Variants in HDAC4 observed in about 807,000 individuals in gnomAD.
The protein encoded by HDAC4 is histone deacetylase A.
Under a neutral mutation model 135.1 loss-of-function variants are expected in HDAC4, and 16 were observed. That is an observed-to-expected ratio of 0.12 (90% CI 0.08 to 0.18). The LOEUF (loss-of-function observed/expected upper bound fraction) is 0.18, where lower values mean the gene tolerates loss of function less well. Ranked by LOEUF, HDAC4 falls within the 10% of genes least tolerant of loss-of-function variation. HDAC4 has a pLI of 1.00. For missense variants in HDAC4, 1,143 were observed against 1,511.8 expected (o/e 0.76, Z 4.05); for synonymous variants, 685 against 653.4 (o/e 1.05, Z -0.74).
rs137886732 is a variant in HDAC4 at position 239,353,916 on chromosome 2, A to C, written c.-219-998T>G. Among the ~76,000 whole-genome samples the C allele has an allele frequency of 2.0e-3, 303 of 152,366 alleles. 1 individual carries two copies. The highest frequency in any genetic ancestry group is 7.0e-3 in the African/African-American group (290 of 41,590). ...CTGTGTAATCACAGAATTTAATTCT[A>C]AAGTCCGCATTCCTCACGTAACATG... On this transcript the variant is annotated intron_variant, in intron 1 of 26. Transcript: ENST00000543185.
intron 5 of HDAC4, among the ~76,000 whole-genome samples, chr2:239,171,169 C>CAAAAA (rs34204026): frequency 1.6e-4 from 18 of 114,350 alleles, no homozygotes; most frequent in African/African-American, 6.0e-4. Flanking sequence ...ACAATCTGAC[C>CAAAAA]AAAAAAAAAA....
At chr2:239,376,223 G>A (rs900311666) in intron 1 of HDAC4, among the ~76,000 whole-genome samples, 1 of 150,698 alleles carries the variant, frequency 6.6e-6, no homozygotes, top group African/African-American at 2.4e-5. Context: ...GGTGCTGTGT[G>A]CTCACAACCC....
At chr2:239,099,371 G>A (rs1354618615) in intron 16 of HDAC4, among the ~76,000 whole-genome samples, 1 of 152,244 alleles carries the variant, frequency 6.6e-6, no homozygotes, top group East Asian at 1.9e-4. Context: ...GATGCTTTGA[G>A]GCTGCTCAGC....
At chr2:239,346,261 C>A (rs1462308962) in intron 2 of HDAC4, among the ~76,000 whole-genome samples, 1 of 148,550 alleles carries the variant, frequency 6.7e-6, no homozygotes, top group Non-Finnish European at 1.5e-5. Flanking sequence ...AATACACAGA[C>A]ACCCACACCC....
At position 239,190,054 on chromosome 2, in the gene HDAC4, G is replaced by C. The variant is rs1487731674; in HGVS notation, c.118C>G (p.Leu40Val). 1.2e-6 allele frequency: 2 copies of C among 1,602,122 alleles called. No homozygotes were observed. The highest frequency in any genetic ancestry group is 2.2e-5 in the South Asian group (2 of 91,018). The change falls in exon 4 of 27, where the codon CTG becomes GTG. Residue 40 changes from leucine to valine, a missense_variant. By Grantham distance (32) the Leu-to-Val change is conservative. Coordinates refer to ENST00000543185, the MANE Select transcript of HDAC4 (RefSeq NM_001378414.1). ...STVDVATALP[L>V]QVAPSAVPMD... ...GGCACTGCCGAGGGGGCCACTTGCA[G>C]AGGCAGCGCCGTGGCCACATCCACT...
intron 3 of HDAC4, 132 bp downstream of exon 3, chr2:239,236,461 A>G: frequency 1.4e-6 from 1 of 712,478 alleles, no homozygotes; most frequent in Non-Finnish European, 2.5e-6. Context: ...AAGAGCACCC[A>G]AATTCAGTGA....
chr2:239,263,515 T>C (rs2049513889), intron 2 of HDAC4, among the ~76,000 whole-genome samples: 1 of 152,176 alleles, frequency 6.6e-6, no homozygotes. Context: ...GGGCAGCTCT[T>C]GGCACTGATG....
In HDAC4 at chr2:239,260,743, C is replaced by A. The variant is rs73100727; in HGVS notation, c.23-24079G>T. Among the ~76,000 whole-genome samples the A allele has an allele frequency of 8.9e-3, 1,348 of 152,312 alleles. 22 individuals carry two copies. The highest frequency in any genetic ancestry group is 0.03 in the African/African-American group (1,236 of 41,566). On this transcript the variant is annotated intron_variant, in intron 2 of 26. Coordinates refer to ENST00000543185, the MANE Select transcript of HDAC4 (RefSeq NM_001378414.1). ...GCTGCAGTGTTCTCATGCCTGGCCT[C>A]CCCCTGGGCACGCCTTCCACCTGGG... is the stretch of plus-strand genomic sequence containing the variant.
intron 11 of HDAC4, among the ~76,000 whole-genome samples, chr2:239,132,786 A>G (rs899282496): frequency 6.6e-6 from 1 of 152,378 alleles, no homozygotes; most frequent in South Asian, 2.1e-4. Flanking sequence ...GAAAGAAGAT[A>G]AGTGACAAAC....
rs1352020960 is a variant in HDAC4 at position 239,139,126 on chromosome 2, A to C, written c.978+558T>G. ...TGCCTGGTTCCCGTGATGCCTGGAA[A>C]AGTTCCCCGCTCTGTGGCTTTGGCC... On this transcript the variant is annotated intron_variant, in intron 9 of 26. Transcript: ENST00000543185. This position sits in a 1 kb window ranked among gnomAD's most constrained non-coding sequence, Gnocchi z 5.3. Among the ~76,000 whole-genome samples the C allele has an allele frequency of 6.6e-6, 1 of 152,176 alleles. No homozygotes were observed. Among genetic ancestry groups the C allele is most frequent in the Non-Finnish European group, 1.5e-5 (1 of 68,030 alleles).
At chr2:239,127,350 A>G (rs1315964720) in intron 11 of HDAC4, among the ~76,000 whole-genome samples, 1 of 152,228 alleles carries the variant, frequency 6.6e-6, no homozygotes, top group African/African-American at 2.4e-5. Flanking sequence ...TTTTGATTAA[A>G]AGAATCCATT....
At chr2:239,319,614 G>C (rs577928127) in intron 2 of HDAC4, among the ~76,000 whole-genome samples, 1 of 152,200 alleles carries the variant, frequency 6.6e-6, no homozygotes, top group Non-Finnish European at 1.5e-5. Context: ...CCAAGTTTGC[G>C]TGTGTCAGAA....
At chr2:239,070,924 GTT>G (rs2034125312) in intron 22 of HDAC4, among the ~76,000 whole-genome samples, 1 of 65,080 alleles carries the variant, frequency 1.5e-5, no homozygotes, top group African/African-American at 6.9e-5. Flanking sequence ...TGCAGTCTCT[GTT>G]GTTTTTTTTT....
chr2:239,298,722 G>T, intron 2 of HDAC4: 3 of 520,656 alleles, frequency 5.8e-6, no homozygotes, highest in Non-Finnish European at 7.4e-6. Context: ...CAGGGGCTAG[G>T]CTAGAAAGGC....
Position 239,313,155 on chromosome 2 carries a change from G to A in HDAC4, c.22+39523C>T, listed in dbSNP as rs545382398. 3.3e-5 allele frequency among the ~76,000 whole-genome samples: 5 copies of A among 152,192 alleles called. No individual in the cohort carries two copies. The highest frequency in any genetic ancestry group is 1.9e-4 in the East Asian group (1 of 5,184). ...GTGGCGGAGGAGGAAGCTGCAGCCC[G>A]TTATCCACCGCCCAGTCTCTCCCTC... On this transcript the variant is annotated intron_variant, in intron 2 of 26. Transcript: ENST00000543185. The surrounding 1 kb of genome is among the most constrained non-coding windows in gnomAD (Gnocchi z 5.1).
chr2:239,212,210 A>C (rs1387455831), intron 3 of HDAC4, among the ~76,000 whole-genome samples: 1 of 152,162 alleles, frequency 6.6e-6, no homozygotes, highest in Non-Finnish European at 1.5e-5. Context: ...TAGGAGCCAA[A>C]ATCATCTCTA....
chr2:239,222,137 C>A (rs541869036), intron 3 of HDAC4, among the ~76,000 whole-genome samples: 5 of 152,196 alleles, frequency 3.3e-5, no homozygotes, highest in African/African-American at 1.2e-4. Flanking sequence ...CGCCTCCCTT[C>A]GCTTCCCTGG....
At chr2:239,257,478 C>T (rs1298439818) in intron 2 of HDAC4, among the ~76,000 whole-genome samples, 1 of 152,066 alleles carries the variant, frequency 6.6e-6, no homozygotes, top group Non-Finnish European at 1.5e-5. Context: ...ATCTTTAGTA[C>T]TTTTGACCGC....
intron 3 of HDAC4, among the ~76,000 whole-genome samples, chr2:239,233,640 T>G (rs968594200): frequency 6.6e-6 from 1 of 152,156 alleles, no homozygotes; most frequent in Non-Finnish European, 1.5e-5. Flanking sequence ...AAGTGGGAAT[T>G]TATTAGGACT....
Sources: allele counts gnomAD v4.1 joint callset (sites outside exome capture counted in the v4.1 genomes callset), GRCh38; gene constraint gnomAD v4.1.1; non-coding constraint Gnocchi (gnomAD v3.1); transcripts MANE v1.5; gene names NCBI Gene and HGNC (gene_info 2026-07-23, HGNC 2026-07-21).